The following ABCA13 variants were observed in gnomAD, a reference collection of about 807,000 sequenced individuals.
The protein encoded by ABCA13 is ATP binding cassette subfamily A member 13.
A neutral mutation model predicts 478.7 loss-of-function variants in ABCA13; 476 were observed. The ratio of observed to expected loss-of-function variants is 0.99; its 90% CI spans 0.92 to 1.07. The LOEUF is 1.07. Ranked by LOEUF, ABCA13 falls within the 50% of genes least tolerant of loss-of-function variation. The pLI is 0.00. For synonymous variants in ABCA13, 2,252 were observed against 2,158.9 expected (o/e 1.04, Z -1.20); for missense variants, 6,060 against 5,910.6 (o/e 1.03, Z -0.83).
chr7:48,558,673 G>T (rs902455908), intron 55 of ABCA13, among the ~76,000 whole-genome samples: 1 of 152,062 alleles, frequency 6.6e-6, no homozygotes, highest in Non-Finnish European at 1.5e-5. Flanking sequence ...AAATTTATCT[G>T]ATAGAATTCT....
At chr7:48,595,048 T>A (rs1270713358) in intron 58 of ABCA13, among the ~76,000 whole-genome samples, 1 of 152,200 alleles carries the variant, frequency 6.6e-6, no homozygotes, top group Non-Finnish European at 1.5e-5. Context: ...AATTTGAACC[T>A]AGTGTTCTGT....
chr7:48,260,591 A>C (rs939551577), intron 15 of ABCA13, among the ~76,000 whole-genome samples: 1 of 152,042 alleles, frequency 6.6e-6, no homozygotes, highest in African/African-American at 2.4e-5. Flanking sequence ...TCTTGAGTTA[A>C]TAATTGTCTC....
chr7:48,379,734 T>C (rs925207022), intron 35 of ABCA13, among the ~76,000 whole-genome samples: 1 of 152,108 alleles, frequency 6.6e-6, no homozygotes, highest in Admixed American at 6.5e-5. Flanking sequence ...ATTATAAAGA[T>C]GAAAATAACT....
chr7:48,535,069 G>T (rs1585729713), intron 55 of ABCA13, among the ~76,000 whole-genome samples: 1 of 152,058 alleles, frequency 6.6e-6, no homozygotes, highest in East Asian at 1.9e-4. Flanking sequence ...ATCTTTTAGG[G>T]GTGTTAAAGA....
At chr7:48,216,603 A>T (rs961157141) in intron 3 of ABCA13, among the ~76,000 whole-genome samples, 84 of 152,068 alleles carry the variant, frequency 5.5e-4, no homozygotes, top group African/African-American at 1.8e-3. Flanking sequence ...ATGAAGTCCA[A>T]CTTATCTTTT....
Position 48,350,721 on chromosome 7 carries a change from C to T in ABCA13, c.10283C>T (p.Ser3428Phe). Residue 3428 changes from serine to phenylalanine, a missense_variant, in exon 30 of 62, where the codon TCT (serine) becomes TTT (phenylalanine). Transcript: ENST00000435803. ...RFLGSILVNLSSCVALNRFQA... is the reference protein window; with the variant it reads ...RFLGSILVNLFSCVALNRFQA... ...TTGGGCAGCATCTTGGTCAATCTCT[C>T]TTCCTGCGTGGCACTGAACCGTTTC... The T allele has an allele frequency of 6.2e-7, 1 of 1,613,988 alleles. No homozygotes were observed.
chr7:48,440,666 G>T (rs77090657), intron 42 of ABCA13, among the ~76,000 whole-genome samples: 5 of 151,600 alleles, frequency 3.3e-5, no homozygotes, highest in East Asian at 1.9e-4. Context: ...TTTTGTTATC[G>T]TGAGAAGTTA....
At chr7:48,554,269 G>A (rs1232907448) in intron 55 of ABCA13, among the ~76,000 whole-genome samples, 1 of 151,958 alleles carries the variant, frequency 6.6e-6, no homozygotes, top group African/African-American at 2.4e-5. Flanking sequence ...GATTCCTCTA[G>A]TTTTGTTCTT....
intron 19 of ABCA13, among the ~76,000 whole-genome samples, chr7:48,283,146 C>T (rs922759307): frequency 4.6e-5 from 7 of 151,968 alleles, no homozygotes; most frequent in African/African-American, 1.7e-4. Flanking sequence ...CAGGAAGGGG[C>T]ACAGTGGACG....
At chr7:48,482,888 T>C (rs886880798) in intron 46 of ABCA13, among the ~76,000 whole-genome samples, 188 bp from the exon 47 acceptor site, 1 of 152,216 alleles carries the variant, frequency 6.6e-6, no homozygotes, top group Non-Finnish European at 1.5e-5. Context: ...TTTGCCTGGC[T>C]TGGGAGCCAG....
intron 23 of ABCA13, among the ~76,000 whole-genome samples, chr7:48,301,413 A>C (rs1201112962): frequency 6.6e-6 from 1 of 152,112 alleles, no homozygotes; most frequent in Non-Finnish European, 1.5e-5. Context: ...TGGAAACATT[A>C]CACATTCCAC....
chr7:48,441,571 G>A (rs1823591802), intron 42 of ABCA13, among the ~76,000 whole-genome samples: 1 of 152,164 alleles, frequency 6.6e-6, no homozygotes, highest in South Asian at 2.1e-4. Flanking sequence ...GTAGAAATGA[G>A]TTATGAAGAC....
intron 3 of ABCA13, among the ~76,000 whole-genome samples, chr7:48,213,909 C>T (rs943401314): frequency 6.6e-6 from 1 of 152,188 alleles, no homozygotes; most frequent in Admixed American, 6.5e-5. Flanking sequence ...TCTTAAGGCT[C>T]CACTTCTAAT....
intron 38 of ABCA13, among the ~76,000 whole-genome samples, chr7:48,392,540 T>C (rs767435377): frequency 1.3e-5 from 2 of 152,154 alleles, no homozygotes; most frequent in African/African-American, 2.4e-5. Flanking sequence ...TAGCTCTTCC[T>C]CAACTCCTTC....
intron 56 of ABCA13, among the ~76,000 whole-genome samples, chr7:48,582,907 A>G (rs1449434058): frequency 6.6e-6 from 1 of 152,190 alleles, no homozygotes; most frequent in East Asian, 1.9e-4. Context: ...AACCTTGTAA[A>G]GCATGTTATA....
In ABCA13 at chr7:48,403,763, C is replaced by A. The variant is rs532098587; in HGVS notation, c.11954C>A (p.Ser3985Tyr). The change falls in exon 39 of 62, where the codon TCC becomes TAC. Residue 3985 changes from serine to tyrosine, a missense_variant. Around this residue, in one of 3 missense-constraint regions of ABCA13, gnomAD observed 1,627 missense variants for 1,571.0 expected, o/e 1.04. Coordinates refer to ENST00000435803, the MANE Select transcript of ABCA13 (RefSeq NM_152701.5). ...ALSGGLKRKL[S>Y]LGIAFMGMSR... ...TCTGGAGGCCTGAAGAGGAAGCTCTCCCTTGGCATTGCTTTCATGGGCATG... is the reference window on the plus strand; with the variant it reads ...TCTGGAGGCCTGAAGAGGAAGCTCTACCTTGGCATTGCTTTCATGGGCATG... 1 of 1,614,002 alleles carries A rather than the reference C, an allele frequency of 6.2e-7. No individual in the cohort carries two copies. Among genetic ancestry groups the A allele is most frequent in the African/African-American group, 1.3e-5 (1 of 75,054 alleles).
intron 23 of ABCA13, among the ~76,000 whole-genome samples, chr7:48,308,485 T>G (rs1194021568): frequency 6.6e-6 from 1 of 152,194 alleles, no homozygotes; most frequent in Admixed American, 6.5e-5. Context: ...TGTGTGATAC[T>G]TTTGCTATGA....
rs766317303 is a variant in ABCA13 at position 48,245,937 on chromosome 7, C to T, written c.1566C>T (p.Ser522=). ...EKEVFLPPGN[S]SIWGGLQGLL... is the part of the protein sequence containing the mutation. ...AGGTCTTTTTGCCGCCTGGAAACTC[C>T]AGCATATGGGGTGGTCTCCAGGGAC... Residue 522 remains serine (S), a synonymous_variant, in exon 13 of 62, where the codon TCC becomes TCT. Transcript: ENST00000435803. 8 of 1,613,768 alleles carry T rather than the reference C, an allele frequency of 5.0e-6. No individual in the cohort carries two copies. In the South Asian group the frequency reaches 7.7e-5, roughly 16 times the overall value.
chr7:48,353,655 C>T (rs754053132), intron 31 of ABCA13, among the ~76,000 whole-genome samples: 1 of 151,690 alleles, frequency 6.6e-6, no homozygotes, highest in East Asian at 2.0e-4. Flanking sequence ...ACCCCTCCTT[C>T]CTGTCTAGTG....
Sources: gnomAD v4.1 joint callset for allele counts (sites outside exome capture counted in the v4.1 genomes callset) on GRCh38, gnomAD v4.1.1 for gene constraint, gnomAD v4.1.1 regional missense constraint, MANE v1.5 for transcripts, NCBI Gene and HGNC (gene_info 2026-07-23, HGNC 2026-07-21) for gene names.